The following NT5DC2 variants were observed in gnomAD, a reference collection of about 807,000 sequenced individuals.
NT5DC2 encodes the protein 5'-nucleotidase domain-containing protein 2.
NT5DC2 carries 41 observed loss-of-function variants against 70.0 expected under a neutral mutation model. The ratio of observed to expected loss-of-function variants is 0.59; its 90% CI spans 0.46 to 0.76. The LOEUF is 0.76. Ranked by LOEUF, NT5DC2 falls within the 30% of genes least tolerant of loss-of-function variation. The pLI is 0.00. For missense variants in NT5DC2, 705 were observed against 783.2 expected, an observed-to-expected ratio of 0.90 and a Z score of 1.19; for synonymous variants, 299 against 310.4, an observed-to-expected ratio of 0.96 and a Z score of 0.39.
At chr3:52,527,218 C>T (rs1188590574) in intron 10 of NT5DC2, 76 bp downstream of exon 10, 7 of 1,358,740 alleles carry the variant, frequency 5.2e-6, no homozygotes, top group South Asian at 1.2e-5. Context: ...TCTTCAGAGG[C>T]TGCCTCTGCA....
At chr3:52,534,245 C>A (rs2079400897), upstream of NT5DC2, 1 of 510,752 alleles carries the variant, frequency 2.0e-6, no homozygotes, top group Non-Finnish European at 3.6e-6. Context: ...CCAGATCCTC[C>A]GCTCCTCCCC....
intron 3 of NT5DC2, 48 bp downstream of exon 3, chr3:52,528,813 C>G (rs762593101): frequency 6.2e-7 from 1 of 1,606,238 alleles, no homozygotes; most frequent in South Asian, 1.1e-5. Context: ...AATGACCATA[C>G]CAAGAGGAGG....
rs370442610 is a variant in NT5DC2 at position 52,528,701 on chromosome 3, G to C, written c.493-9C>G. 2.5e-6 allele frequency: 4 copies of C among 1,602,618 alleles called. No homozygotes were observed. Among genetic ancestry groups the C allele is most frequent in the Non-Finnish European group, 2.6e-6 (3 of 1,174,838 alleles). ...ATCTTCATCAGAAGGCTCTGGGGGC[G>C]CCAGGGAGGCAGGACGGATGGTGAG... On this transcript the variant is annotated splice_polypyrimidine_tract_variant and intron_variant, in intron 3 of 13. Coordinates refer to ENST00000422318, the MANE Select transcript of NT5DC2 (RefSeq NM_001134231.2).
In NT5DC2 at chr3:52,529,440, G is replaced by A. The variant is rs549554320; in HGVS notation, c.233-106C>T. 144 of 1,026,430 alleles carry A rather than the reference G, an allele frequency of 1.4e-4. 1 individual carries two copies. The South Asian group carries it at 1.5e-3, about 11-fold the overall frequency. The allele number at this position is 1,026,430 out of a possible 1,614,324, so 63.6% of individuals were successfully genotyped here. A position where few individuals can be genotyped will look rare whatever the true frequency, so the allele number is the denominator to read the frequency against. ...ACCTAGCCCTGTGAGCCTCAGAAACGCCCCACAATGGCACCTCTTATTCCA... is the reference window on the plus strand; with the variant it reads ...ACCTAGCCCTGTGAGCCTCAGAAACACCCCACAATGGCACCTCTTATTCCA... On this transcript the variant is annotated intron_variant, in intron 1 of 13. Transcript: ENST00000422318. This position sits in a 1 kb window ranked among gnomAD's most constrained non-coding sequence, Gnocchi z 4.1.
Position 52,524,659 on chromosome 3 carries a change from G to A in NT5DC2, c.1485C>T (p.Phe495=), listed in dbSNP as rs1164125273. 3 of 1,612,956 alleles carry A rather than the reference G, an allele frequency of 1.9e-6. No individual in the cohort carries two copies. The highest frequency in any genetic ancestry group is 1.1e-5 in the South Asian group (1 of 91,094). ...IFRTFHNPTY[F]SRRLVRFSDL... is the part of the protein sequence containing the mutation. Reference sequence around the variant, plus strand: ...CAGAGAAGCGCACGAGGCGCCTTGAGAAGTAGGTGGGGTTGTGGAAGGTGC... The same window carrying A: ...CAGAGAAGCGCACGAGGCGCCTTGAAAAGTAGGTGGGGTTGTGGAAGGTGC... The change falls in exon 14 of 14, where the codon TTC becomes TTT. Residue 495 remains phenylalanine, a synonymous_variant. Coordinates refer to ENST00000422318, the MANE Select transcript of NT5DC2 (RefSeq NM_001134231.2).
upstream of NT5DC2, chr3:52,533,982 C>T (rs28380177): frequency 8.5e-6 from 3 of 354,980 alleles, no homozygotes; most frequent in Admixed American, 6.5e-5. Flanking sequence ...CCCAGCCAGT[C>T]TCCGGCGCGG....
At position 52,524,868 on chromosome 3, in the gene NT5DC2, G is replaced by A. The variant is rs201813711; in HGVS notation, c.1361C>T (p.Ala454Val). 4.0e-5 allele frequency: 64 copies of A among 1,612,302 alleles called. No homozygotes were observed. The East Asian group carries it at 5.1e-4, about 13-fold the overall frequency. Residue 454 changes from alanine (A) to valine (V), a missense_variant, in exon 13 of 14, where the codon GCG becomes GTG. By Grantham distance (64) the Ala-to-Val change is moderately conservative. Coordinates refer to ENST00000422318, the MANE Select transcript of NT5DC2 (RefSeq NM_001134231.2). ...GGCAGCCAGCACCTGCCTCGACTCC[G>A]CGTCCTGATAGGTCTGGGGACACAA... ...LLERMQTYQD[A>V]ESRQVLAAWM...
intron 10 of NT5DC2, 86 bp downstream of exon 10, chr3:52,527,208 T>G (rs972980845): frequency 2.6e-5 from 33 of 1,275,338 alleles, no homozygotes; most frequent in Admixed American, 6.9e-5. Flanking sequence ...CTGTGCTGCT[T>G]CTTCAGAGGC....
At chr3:52,534,258 AGTCCTGGTGCTCTCCTTTCCCGGG>A, upstream of NT5DC2, 1 of 542,268 alleles carries the variant, frequency 1.8e-6, no homozygotes, top group Non-Finnish European at 3.3e-6. Context: ...TCCTCCCCCT[AGTCCTGGTGCTCTCCTTTCCCGGG>A]GTCCTGGTCC....
chr3:52,534,486 G>T, upstream of NT5DC2: 3 of 1,611,808 alleles, frequency 1.9e-6, no homozygotes, highest in Non-Finnish European at 1.7e-6. Context: ...GTGGGCCACG[G>T]TCACTGCGCC....
chr3:52,527,950 C>T lies in NT5DC2; in HGVS notation c.833-19G>A. On this transcript the variant is annotated intron_variant, in intron 7 of 13. Coordinates refer to ENST00000422318, the MANE Select transcript of NT5DC2 (RefSeq NM_001134231.2). ...TACTTCTCTAATGGGGCAGATGAGT[C>T]TGTGAGGGTCAGTCCTGCCACCTGC... 6.2e-7 allele frequency: 1 copy of T among 1,613,514 alleles called. No individual in the cohort carries two copies. Among genetic ancestry groups the T allele is most frequent in the Non-Finnish European group, 8.5e-7 (1 of 1,179,970 alleles).
chr3:52,528,376 G>C, intron 5 of NT5DC2, 65 bp from the exon 6 acceptor site: 3 of 1,613,134 alleles, frequency 1.9e-6, no homozygotes, highest in Non-Finnish European at 2.5e-6. Flanking sequence ...CTGGAGACGA[G>C]GGCCCCAAAT....
In NT5DC2 at chr3:52,524,625, T is replaced by C. The variant is rs764461113; in HGVS notation, c.1519A>G (p.Met507Val). ...RRLVRFSDLY[M>V]ASLSCLLNYR... ...TTGAGCAGGCAGCTGAGGGAGGCCA[T>C]GTAGAGGTCAGAGAAGCGCACGAGG... Residue 507 changes from methionine to valine, a missense_variant, in exon 14 of 14, where the codon ATG becomes GTG. Coordinates refer to ENST00000422318, the MANE Select transcript of NT5DC2 (RefSeq NM_001134231.2). The C allele has an allele frequency of 1.1e-5, 18 of 1,613,048 alleles. No individual in the cohort carries two copies. Among genetic ancestry groups the C allele is most frequent in the Admixed American group, 1.7e-5 (1 of 60,004 alleles).
Position 52,528,522 on chromosome 3 carries a change from G to T in NT5DC2, c.566C>A (p.Pro189Gln). Residue 189 changes from proline (P) to glutamine (Q), a missense_variant, in exon 5 of 14, where the codon CCA (proline) becomes CAA (glutamine). Pro to Gln is a moderately conservative substitution (Grantham distance 76). Transcript: ENST00000422318. Reference sequence around the variant, plus strand: ...ATACAGCTCAATCACCTCCTCGTCTGGCACAGGCTGGAGGCCCCTGAGCAG... The same window carrying T: ...ATACAGCTCAATCACCTCCTCGTCTTGCACAGGCTGGAGGCCCCTGAGCAG... ...GTAYRGLQPVPDEEVIELYGG... is the reference protein window; with the variant it reads ...GTAYRGLQPVQDEEVIELYGG... 3 of 1,613,338 alleles carry T rather than the reference G, an allele frequency of 1.9e-6. No individual in the cohort carries two copies. Among genetic ancestry groups the T allele is most frequent in the Non-Finnish European group, 2.5e-6 (3 of 1,179,950 alleles).
Position 52,527,339 on chromosome 3 carries a change from C to A in NT5DC2, c.1074G>T (p.Gln358His), listed in dbSNP as rs2079291863. Residue 358 changes from glutamine to histidine, a missense_variant, in exon 10 of 14, where the codon CAG becomes CAT. Coordinates refer to ENST00000422318, the MANE Select transcript of NT5DC2 (RefSeq NM_001134231.2). ...FRKLDEKGSLQWDRITRLEKG... is the reference protein window; with the variant it reads ...FRKLDEKGSLHWDRITRLEKG... The stretch of plus-strand genomic sequence containing the variant: ...TTTCCAAGCGGGTGATCCGGTCCCA[C>A]TGAAGTGAGCCCTTCTCATCGAGTT... 2 of 1,614,182 alleles carry A rather than the reference C, an allele frequency of 1.2e-6. No individual in the cohort carries two copies. The highest frequency in any genetic ancestry group is 1.7e-6 in the Non-Finnish European group (2 of 1,180,030).
rs2079388701 is a variant in NT5DC2 at position 52,533,545 on chromosome 3, G to C, written c.193C>G (p.Leu65Val). ...PTSGADLSAH[L>V]WARYQDMRRL... ...CGCATGTCCTGGTAGCGAGCCCATAGGTGCGCGCTGAGGTCGGCGCCGCTG... is the reference window on the plus strand; with the variant it reads ...CGCATGTCCTGGTAGCGAGCCCATACGTGCGCGCTGAGGTCGGCGCCGCTG... The change falls in exon 1 of 14, where the codon CTA becomes GTA. Residue 65 changes from leucine to valine, a missense_variant. Coordinates refer to ENST00000422318, the MANE Select transcript of NT5DC2 (RefSeq NM_001134231.2). 1 of 1,398,948 alleles carries C rather than the reference G, an allele frequency of 7.1e-7. No homozygotes were observed. 86.7% of individuals were successfully genotyped at this position (1,398,948 alleles called of 1,614,324 possible).
chr3:52,528,033 T>C lies in NT5DC2; in HGVS notation c.812A>G (p.Gln271Arg). Residue 271 changes from glutamine to arginine, a missense_variant, in exon 7 of 14, where the codon CAG becomes CGG. Physicochemically the swap from Gln to Arg is conservative, Grantham distance 43 (BLOSUM62 1). Transcript: ENST00000422318. ...RDVHVKGLMYQWIEQDMEKYI... is the reference protein window; with the variant it reads ...RDVHVKGLMYRWIEQDMEKYI... ...CTTACCCATGTCCTGCTCGATCCAC[T>C]GGTACATGAGGCCCTTCACATGCAC... is the stretch of plus-strand genomic sequence containing the variant. The C allele has an allele frequency of 6.2e-7, 1 of 1,612,170 alleles. No homozygotes were observed. The highest frequency in any genetic ancestry group is 8.5e-7 in the Non-Finnish European group (1 of 1,179,510).
intron 10 of NT5DC2, among the ~76,000 whole-genome samples, chr3:52,527,049 G>C (rs1301848502): frequency 6.6e-6 from 1 of 152,226 alleles, no homozygotes; most frequent in Non-Finnish European, 1.5e-5. Context: ...AGGCACAGAG[G>C]TCAGGCAACC....
Position 52,524,604 on chromosome 3 carries a change from G to C in NT5DC2, c.1540C>G (p.Leu514Val). The C allele has an allele frequency of 1.9e-6, 3 of 1,613,244 alleles. No individual in the cohort carries two copies. The highest frequency in any genetic ancestry group is 2.5e-6 in the Non-Finnish European group (3 of 1,180,026). ...DLYMASLSCL[L>V]NYRVDFTFYP... ...AAGGTGAAGTCCACGCGGTAGTTGA[G>C]CAGGCAGCTGAGGGAGGCCATGTAG... is the stretch of plus-strand genomic sequence containing the variant. Residue 514 changes from leucine (L) to valine (V), a missense_variant, in exon 14 of 14, where the codon CTC (leucine) becomes GTC (valine). Leu to Val is a conservative substitution (Grantham distance 32). Coordinates refer to ENST00000422318, the MANE Select transcript of NT5DC2 (RefSeq NM_001134231.2).
Sources: allele counts gnomAD v4.1 joint callset (sites outside exome capture counted in the v4.1 genomes callset), GRCh38; gene constraint gnomAD v4.1.1; non-coding constraint Gnocchi (gnomAD v3.1); transcripts MANE v1.5; gene names NCBI Gene and HGNC (gene_info 2026-07-23, HGNC 2026-07-21).